RBFOX3: variants seen among roughly 807,000 people sequenced by gnomAD.
The protein encoded by RBFOX3 is RNA binding fox-1 homolog 3.
In RBFOX3, 17 loss-of-function variants were observed where a neutral mutation model predicts 48.7. The ratio of observed to expected loss-of-function variants is 0.35; its 90% confidence interval spans 0.24 to 0.52. RBFOX3 has a LOEUF of 0.52. RBFOX3 is among the 20% of genes least tolerant of loss of function. The pLI is 0.94. For synonymous variants in RBFOX3, 212 were observed against 209.5 expected, an observed-to-expected ratio of 1.01 and a Z score of -0.10; for missense variants, 382 against 497.5, an observed-to-expected ratio of 0.77 and a Z score of 2.21.
chr17:79,388,146 A>ATG (rs1410600388), intron 2 of RBFOX3, among the ~76,000 whole-genome samples: 1 of 150,892 alleles, frequency 6.6e-6, no homozygotes, highest in Non-Finnish European at 1.5e-5. Context: ...ATGTGTGTGC[A>ATG]TGTGTGTGTG....
At chr17:79,383,822 G>A (rs182585004) in intron 2 of RBFOX3, among the ~76,000 whole-genome samples, 7 of 152,322 alleles carry the variant, frequency 4.6e-5, no homozygotes, top group African/African-American at 1.7e-4. Flanking sequence ...AGATGCTGCT[G>A]GAAGAGCAGA....
intron 1 of RBFOX3, among the ~76,000 whole-genome samples, chr17:79,591,485 T>C (rs2093414722): frequency 6.6e-6 from 1 of 152,182 alleles, no homozygotes. Context: ...GGGCACCTAC[T>C]GTGTTCCAGG....
At chr17:79,168,931 T>C (rs913297655) in intron 4 of RBFOX3, among the ~76,000 whole-genome samples, 1 of 152,138 alleles carries the variant, frequency 6.6e-6, no homozygotes, top group African/African-American at 2.4e-5. Flanking sequence ...ACCAGATCCG[T>C]AGCAATGCAG....
At chr17:79,428,384 A>C (rs2067784249) in intron 2 of RBFOX3, among the ~76,000 whole-genome samples, 1 of 152,206 alleles carries the variant, frequency 6.6e-6, no homozygotes, top group African/African-American at 2.4e-5. Flanking sequence ...GCCCCCGCCC[A>C]GCCTTCGCAT....
chr17:79,320,940 C>T (rs1017555700), intron 2 of RBFOX3, among the ~76,000 whole-genome samples: 14 of 152,218 alleles, frequency 9.2e-5, no homozygotes, highest in African/African-American at 3.1e-4. Context: ...GAGTCCGGCA[C>T]ATTCTGCCAA....
intron 2 of RBFOX3, among the ~76,000 whole-genome samples, chr17:79,378,690 G>A (rs946198108): frequency 2.0e-5 from 3 of 152,162 alleles, no homozygotes; most frequent in Non-Finnish European, 2.9e-5. Context: ...GCCTCACCTG[G>A]GAGCCAGGCT....
chr17:79,336,438 AT>A lies in RBFOX3; in HGVS notation c.-174-28615del, dbSNP rs11308553. The stretch of plus-strand genomic sequence containing the variant: ...TAAATAAAATAAATTGAAAAAAAAA[AT>A]AAATCCCACTGTTCCAGGTGGGGCA... On this transcript the variant is annotated intron_variant, in intron 2 of 14. Transcript: ENST00000693108. Among the ~76,000 whole-genome samples, 1,276 of 142,564 alleles carry A rather than the reference AT, an allele frequency of 9.0e-3. 31 individuals carry two copies. The highest frequency in any genetic ancestry group is 0.031 in the African/African-American group (1,206 of 38,550). 93.5% of individuals were successfully genotyped at this position (142,564 alleles called of 152,430 possible). A position where few individuals can be genotyped will look rare whatever the true frequency, so the allele number is the denominator to read the frequency against.
rs1244831310 is a variant in RBFOX3, at chr17:79,423,002, A to G, written c.-175+59452T>C. ...GCAGGGAGAAGGCGGCATCTACACC[A>G]GAAAGAGTCCTCACAGGCACGGGAC... On this transcript the variant is annotated intron_variant, in intron 2 of 14. Coordinates refer to ENST00000693108, the MANE Select transcript of RBFOX3 (RefSeq NM_001350451.2). The surrounding 1 kb of genome is among the most constrained non-coding windows in gnomAD (Gnocchi z 4.9). Among the ~76,000 whole-genome samples, 4 of 152,140 alleles carry G rather than the reference A, an allele frequency of 2.6e-5. No individual in the cohort carries two copies. Among genetic ancestry groups the G allele is most frequent in the African/African-American group, 9.7e-5 (4 of 41,422 alleles).
chr17:79,349,303 C>G (rs546149778), intron 2 of RBFOX3, among the ~76,000 whole-genome samples: 2 of 152,196 alleles, frequency 1.3e-5, no homozygotes, highest in East Asian at 3.9e-4. Context: ...TCCCACCTCT[C>G]ACCACTCGCA....
chr17:79,512,451 T>C (rs1205180202), intron 1 of RBFOX3, among the ~76,000 whole-genome samples: 1 of 99,178 alleles, frequency 1.0e-5, no homozygotes, highest in Non-Finnish European at 2.0e-5. Context: ...AGTACAGTCC[T>C]ATAGCCAGGG....
intron 4 of RBFOX3, among the ~76,000 whole-genome samples, chr17:79,145,085 G>A (rs2042747365): frequency 6.6e-6 from 1 of 152,154 alleles, no homozygotes; most frequent in African/African-American, 2.4e-5. Flanking sequence ...GGGGTCCTTA[G>A]TCGCTGCCTG....
intron 4 of RBFOX3, among the ~76,000 whole-genome samples, chr17:79,224,961 C>G (rs2060143606): frequency 6.6e-6 from 1 of 152,242 alleles, no homozygotes; most frequent in Non-Finnish European, 1.5e-5. Flanking sequence ...ATTTGATCAT[C>G]ATGCCTACTA....
intron 1 of RBFOX3, among the ~76,000 whole-genome samples, chr17:79,530,069 G>A (rs1174392450): frequency 6.6e-6 from 1 of 152,330 alleles, no homozygotes; most frequent in African/African-American, 2.4e-5. Context: ...AGGAGCCAGC[G>A]TGAACTTCCA....
intron 1 of RBFOX3, among the ~76,000 whole-genome samples, chr17:79,575,786 C>T (rs946976787): frequency 1.1e-4 from 17 of 152,296 alleles, no homozygotes; most frequent in African/African-American, 3.9e-4. Context: ...GCCCTAGGCC[C>T]AACACATGCT....
chr17:79,556,961 A>G (rs1310379354), intron 1 of RBFOX3, among the ~76,000 whole-genome samples: 1 of 152,174 alleles, frequency 6.6e-6, no homozygotes, highest in Non-Finnish European at 1.5e-5. Context: ...GAAACTGACA[A>G]GGCTAGTCAT....
chr17:79,615,388 G>C (rs2145599119), upstream of RBFOX3, among the ~76,000 whole-genome samples: 2 of 152,254 alleles, frequency 1.3e-5, no homozygotes, highest in East Asian at 3.9e-4. Context: ...AAGAAACAGA[G>C]GATCTAGTAA....
intron 4 of RBFOX3, among the ~76,000 whole-genome samples, chr17:79,189,840 A>G (rs1418099225): frequency 1.3e-5 from 2 of 152,136 alleles, no homozygotes; most frequent in Non-Finnish European, 2.9e-5. Context: ...GAAGTTGTAT[A>G]TTTGCTTGGA....
chr17:79,198,267 G>A lies in RBFOX3; in HGVS notation c.-34+37499C>T, dbSNP rs111253328. On this transcript the variant is annotated intron_variant, in intron 4 of 14. Transcript: ENST00000693108. The surrounding 1 kb of genome is among the most constrained non-coding windows in gnomAD (Gnocchi z 8.2). ...CGCCTCTGGCCAGCCCTCTGCCCTC[G>A]CCCCTGCCCTGCACCTCTCCATCCC... Among the ~76,000 whole-genome samples the A allele has an allele frequency of 1.2e-3, 183 of 152,270 alleles. 1 individual carries two copies. Among genetic ancestry groups the A allele is most frequent in the African/African-American group, 4.3e-3 (177 of 41,558 alleles).
At chr17:79,148,087 GGTGC>G (rs149405799) in intron 4 of RBFOX3, among the ~76,000 whole-genome samples, 4,259 of 152,334 alleles carry the variant, frequency 0.028, 94 homozygotes, top group African/African-American at 0.062. Flanking sequence ...GGGACCCCAG[GGTGC>G]GTGCGGCCCT....
Sources: gnomAD v4.1 joint callset for allele counts (sites outside exome capture counted in the v4.1 genomes callset) on GRCh38, gnomAD v4.1.1 for gene constraint, Gnocchi (gnomAD v3.1) non-coding constraint, MANE v1.5 for transcripts, NCBI Gene and HGNC (gene_info 2026-07-23, HGNC 2026-07-21) for gene names.